The following RABGAP1L variants were observed in gnomAD, a reference collection of about 807,000 sequenced individuals.
RABGAP1L encodes RAB GTPase activating protein 1 like, also known as rab GTPase-activating protein 1-like.
Under a neutral mutation model 137.7 loss-of-function variants are expected in RABGAP1L, and 63 were observed. The observed-to-expected ratio is 0.46, with a 90% confidence interval of 0.37 to 0.56. The LOEUF is 0.56. RABGAP1L is among the 20% of genes least tolerant of loss of function. The pLI, the probability that RABGAP1L is intolerant of heterozygous loss-of-function variation, is 0.00. For synonymous variants in RABGAP1L, 431 were observed against 433.7 expected, an observed-to-expected ratio of 0.99 and a Z score of 0.08; for missense variants, 1,095 against 1,244.0, an observed-to-expected ratio of 0.88 and a Z score of 1.80.
intron 18 of RABGAP1L, among the ~76,000 whole-genome samples, chr1:174,758,184 CT>C (rs908170969): frequency 1.4e-4 from 21 of 151,972 alleles, no homozygotes; most frequent in African/African-American, 5.1e-4. Flanking sequence ...ACAACGCTTC[CT>C]TTTTTTTCCC....
rs188552397 is a variant in RABGAP1L, at chr1:174,487,785, T to G, written c.1710+93640T>G. Among the ~76,000 whole-genome samples, 200 of 152,244 alleles carry G rather than the reference T, an allele frequency of 1.3e-3. 1 individual carries two copies. The highest frequency in any genetic ancestry group is 4.5e-3 in the African/African-American group (188 of 41,574). ...CTTGCTTTTTATTTTTTTGTGTATC[T>G]GTTGTATGTTTTCTGATTTGAGGTT... On this transcript the variant is annotated intron_variant, in intron 13 of 25. Transcript: ENST00000681986.
intron 13 of RABGAP1L, among the ~76,000 whole-genome samples, chr1:174,495,180 C>T (rs1175918274): frequency 6.6e-6 from 1 of 152,132 alleles, no homozygotes; most frequent in Non-Finnish European, 1.5e-5. Context: ...AACTGCCTCC[C>T]TCTGGAAGAT....
At chr1:174,472,491 G>T (rs1184342107) in intron 13 of RABGAP1L, among the ~76,000 whole-genome samples, 1 of 152,184 alleles carries the variant, frequency 6.6e-6, no homozygotes, top group East Asian at 1.9e-4. Flanking sequence ...AGTCCTCATT[G>T]CTATATTTAT....
intron 19 of RABGAP1L, among the ~76,000 whole-genome samples, chr1:174,842,523 T>C (rs1693527721): frequency 6.6e-6 from 1 of 152,198 alleles, no homozygotes; most frequent in South Asian, 2.1e-4. Context: ...CCTTTACTGT[T>C]TCATTTATCT....
intron 13 of RABGAP1L, among the ~76,000 whole-genome samples, chr1:174,535,682 A>C (rs755239225): frequency 5.3e-4 from 81 of 152,336 alleles, no homozygotes; most frequent in Non-Finnish European, 5.6e-4. Context: ...TAGGGGAAAT[A>C]ATTAGTTTTA....
At chr1:174,454,459 C>A (rs190319576) in intron 13 of RABGAP1L, among the ~76,000 whole-genome samples, 11 of 151,628 alleles carry the variant, frequency 7.3e-5, no homozygotes, top group African/African-American at 2.4e-4. Context: ...CTTCTACTTG[C>A]AATAGTAGAT....
intron 19 of RABGAP1L, among the ~76,000 whole-genome samples, chr1:174,872,008 T>A (rs1403025738): frequency 6.6e-6 from 1 of 152,212 alleles, no homozygotes; most frequent in Non-Finnish European, 1.5e-5. Context: ...AAGAGTTGCA[T>A]CTATTCTTTC....
intron 3 of RABGAP1L, among the ~76,000 whole-genome samples, chr1:174,228,428 C>G (rs767162227): frequency 6.6e-6 from 1 of 151,900 alleles, no homozygotes; most frequent in Non-Finnish European, 1.5e-5. Context: ...ACGTAATCAC[C>G]CAGGCTCATC....
At chr1:174,424,714 T>C (rs1240452654) in intron 13 of RABGAP1L, among the ~76,000 whole-genome samples, 1 of 140,214 alleles carries the variant, frequency 7.1e-6, no homozygotes, top group Admixed American at 6.9e-5. Context: ...ATTTTAGTCA[T>C]TAATACATTT....
At chr1:174,231,833 C>T (rs181956245) in intron 4 of RABGAP1L, among the ~76,000 whole-genome samples, 43 of 152,190 alleles carry the variant, frequency 2.8e-4, no homozygotes, top group Non-Finnish European at 5.3e-4. Context: ...AGAACAGCAC[C>T]GAGGGGATGG....
At chr1:174,904,116 T>C (rs1658624778) in intron 19 of RABGAP1L, among the ~76,000 whole-genome samples, 1 of 152,094 alleles carries the variant, frequency 6.6e-6, no homozygotes, top group African/African-American at 2.4e-5. Flanking sequence ...GTAGGAGAAC[T>C]GAACTTCCAT....
chr1:174,537,835 C>T (rs1665013307), intron 13 of RABGAP1L, among the ~76,000 whole-genome samples: 1 of 152,058 alleles, frequency 6.6e-6, no homozygotes, highest in Admixed American at 6.6e-5. Context: ...TCCAGTGAAA[C>T]TAACTTTTAA....
At chr1:174,771,879 A>G (rs1653627) in intron 18 of RABGAP1L, among the ~76,000 whole-genome samples, 63,961 of 152,182 alleles carry the variant, frequency 0.42, 15,765 homozygotes, top group Non-Finnish European at 0.54. Flanking sequence ...CTTAAAATGT[A>G]TCTGATGCTG....
chr1:174,943,319 C>T (rs2149298517), intron 19 of RABGAP1L, among the ~76,000 whole-genome samples: 1 of 152,308 alleles, frequency 6.6e-6, no homozygotes, highest in Non-Finnish European at 1.5e-5. Flanking sequence ...CGGTCTTGCT[C>T]TTGGTCATCC....
intron 11 of RABGAP1L, among the ~76,000 whole-genome samples, chr1:174,349,054 GC>G (rs2148916367): frequency 7.1e-6 from 1 of 141,162 alleles, no homozygotes; most frequent in African/African-American, 2.5e-5. Flanking sequence ...CGGGGGGGGG[GC>G]TGACCCCCCC....
At chr1:174,871,699 A>C (rs1652226729) in intron 19 of RABGAP1L, among the ~76,000 whole-genome samples, 1 of 152,224 alleles carries the variant, frequency 6.6e-6, no homozygotes, top group South Asian at 2.1e-4. Context: ...ATATCATGTG[A>C]AATGATTTCA....
At chr1:174,613,251 G>T (rs1671447999) in intron 13 of RABGAP1L, among the ~76,000 whole-genome samples, 1 of 151,972 alleles carries the variant, frequency 6.6e-6, no homozygotes, top group Admixed American at 6.5e-5. Flanking sequence ...ATTCTGGTAT[G>T]TTGTGTCTTT....
intron 10 of RABGAP1L, among the ~76,000 whole-genome samples, chr1:174,287,188 T>G (rs1184892235): frequency 2.0e-5 from 3 of 152,192 alleles, no homozygotes; most frequent in African/African-American, 7.2e-5. Flanking sequence ...CTCTTAATAC[T>G]TGTTTTATAA....
chr1:174,650,340 T>G (rs942337093), intron 14 of RABGAP1L, among the ~76,000 whole-genome samples: 6 of 152,170 alleles, frequency 3.9e-5, no homozygotes, highest in Admixed American at 2.6e-4. Flanking sequence ...AGGATGATGC[T>G]GGCCTCATAA....
Sources: allele counts gnomAD v4.1 joint callset (sites outside exome capture counted in the v4.1 genomes callset), GRCh38; gene constraint gnomAD v4.1.1; transcripts MANE v1.5; gene names NCBI Gene and HGNC (gene_info 2026-07-23, HGNC 2026-07-21).